NCAPG: variants seen among roughly 807,000 people sequenced by gnomAD.
NCAPG encodes the protein non-SMC condensin I complex subunit G, also known as condensin complex subunit 3.
In NCAPG, 69 loss-of-function variants were observed where a neutral mutation model predicts 113.1. The ratio of observed to expected loss-of-function variants is 0.61; its 90% CI spans 0.50 to 0.75. The LOEUF is 0.75. Among genes scored for constraint, NCAPG ranks in the 30% least tolerant of loss-of-function variants. The probability of loss-of-function intolerance (pLI) is 0.00; values close to 1 mark genes in which losing one functional copy is unlikely to be tolerated. For missense variants in NCAPG, 1,058 were observed against 1,177.0 expected (o/e 0.90, Z 1.48); for synonymous variants, 370 against 415.8 (o/e 0.89, Z 1.34).
chr4:17,811,113 G>A lies in NCAPG; in HGVS notation c.36G>A (p.Glu12=), dbSNP rs771732738. 5 of 1,533,630 alleles carry A rather than the reference G, an allele frequency of 3.3e-6. No individual in the cohort carries two copies. The East Asian group carries it at 8.0e-5, about 24-fold the overall frequency. Residue 12 remains glutamate, a synonymous_variant, in exon 1 of 21, where the codon GAG becomes GAA. Transcript: ENST00000251496. This position sits in a 1 kb window ranked among gnomAD's most constrained non-coding sequence, Gnocchi z 5.3. ...GAERRLLSIK[E]AFRLAQQPHQ... is the part of the protein sequence containing the mutation. ...AAAGGAGGCTGCTGTCGATTAAGGA[G>A]GCCTTTCGGCTGGCGCAGCAGCCGC...
At chr4:17,830,689 C>A (rs917006849) in intron 12 of NCAPG, among the ~76,000 whole-genome samples, 9 of 151,504 alleles carry the variant, frequency 5.9e-5, no homozygotes, top group African/African-American at 2.2e-4. Flanking sequence ...ACAAACTGAG[C>A]AAGAGGTAGC....
chr4:17,824,031 G>T (rs901473538), intron 9 of NCAPG, among the ~76,000 whole-genome samples: 1 of 152,140 alleles, frequency 6.6e-6, no homozygotes, highest in African/African-American at 2.4e-5. Flanking sequence ...TACAAGTGGG[G>T]ATATGGTTTT....
intron 13 of NCAPG, among the ~76,000 whole-genome samples, chr4:17,831,476 G>A (rs773334166): frequency 5.9e-5 from 9 of 152,158 alleles, no homozygotes; most frequent in Admixed American, 1.3e-4. Flanking sequence ...GAAACACACA[G>A]TGAAAAATAA....
chr4:17,841,005 T>A lies in NCAPG; in HGVS notation c.2854+312T>A, dbSNP rs544198568. ...ATGGTTTTATATTAGTTATTTGTGTTCTATCCTTCCTGTAACTAAGCATTT... is the reference window on the plus strand; with the variant it reads ...ATGGTTTTATATTAGTTATTTGTGTACTATCCTTCCTGTAACTAAGCATTT... On this transcript the variant is annotated intron_variant, in intron 19 of 20. Coordinates refer to ENST00000251496, the MANE Select transcript of NCAPG (RefSeq NM_022346.5). 2.0e-5 allele frequency among the ~76,000 whole-genome samples: 3 copies of A among 152,158 alleles called. No homozygotes were observed. The East Asian group carries it at 5.8e-4, about 29-fold the overall frequency.
In NCAPG at chr4:17,823,634, T is replaced by C. The variant is rs1279343978; in HGVS notation, c.1260-13T>C. ...GTCATAATAATATTTAAATTAGTTC[T>C]TTTTGACTGCAGAAAAAAACTGCTG... On this transcript the variant is annotated splice_polypyrimidine_tract_variant and intron_variant, in intron 8 of 20. Transcript: ENST00000251496. The C allele has an allele frequency of 6.2e-7, 1 of 1,600,606 alleles. No individual in the cohort carries two copies. The highest frequency in any genetic ancestry group is 8.5e-7 in the Non-Finnish European group (1 of 1,172,252).
At chr4:17,827,722 A>G (rs1184020295) in intron 11 of NCAPG, among the ~76,000 whole-genome samples, 1 of 150,806 alleles carries the variant, frequency 6.6e-6, no homozygotes, top group Non-Finnish European at 1.5e-5. Context: ...CTTAGAAAAT[A>G]GCTGGGCTAG....
At chr4:17,828,479 A>G in intron 12 of NCAPG, 91 bp downstream of exon 12, 1 of 641,410 alleles carries the variant, frequency 1.6e-6, no homozygotes, top group Non-Finnish European at 2.7e-6. Context: ...TAATGAAAAG[A>G]TTACTGTCTT....
At chr4:17,815,595 G>A (rs946426019) in intron 5 of NCAPG, among the ~76,000 whole-genome samples, 6 of 152,132 alleles carry the variant, frequency 3.9e-5, no homozygotes, top group African/African-American at 1.2e-4. Flanking sequence ...TGCAATCTTG[G>A]CTCACTGCAA....
At chr4:17,812,640 TCTC>T (rs963644990) in intron 2 of NCAPG, among the ~76,000 whole-genome samples, 1 of 152,160 alleles carries the variant, frequency 6.6e-6, no homozygotes, top group African/African-American at 2.4e-5. Context: ...TTAAACCAGT[TCTC>T]CTTTGTTTAT....
Position 17,812,340 on chromosome 4 carries a change from C to T in NCAPG, c.231C>T (p.Thr77=). ...TAGAATTTGCAGCAAAGTTTGTTAC[C>T]TCATTTCACCAATCAGATATGGAAG... ...RVIEFAAKFV[T]SFHQSDMEDD... The change falls in exon 2 of 21, where the codon ACC becomes ACT. Residue 77 remains threonine (T), a synonymous_variant. Coordinates refer to ENST00000251496, the MANE Select transcript of NCAPG (RefSeq NM_022346.5). 6.2e-7 allele frequency: 1 copy of T among 1,613,676 alleles called. No individual in the cohort carries two copies.
chr4:17,812,350 C>A lies in NCAPG; in HGVS notation c.241C>A (p.Gln81Lys), dbSNP rs991522231. ...AGCAAAGTTTGTTACCTCATTTCACCAATCAGATATGGAAGATGATGAGGA... is the reference window on the plus strand; with the variant it reads ...AGCAAAGTTTGTTACCTCATTTCACAAATCAGATATGGAAGATGATGAGGA... ...FAAKFVTSFH[Q>K]SDMEDDEEEE... Residue 81 changes from glutamine (Q) to lysine (K), a missense_variant, in exon 2 of 21, where the codon CAA becomes AAA. Coordinates refer to ENST00000251496, the MANE Select transcript of NCAPG (RefSeq NM_022346.5). The A allele has an allele frequency of 1.2e-6, 2 of 1,613,582 alleles. No individual in the cohort carries two copies. The highest frequency in any genetic ancestry group is 1.7e-6 in the Non-Finnish European group (2 of 1,179,814).
rs1722292921 is a variant in NCAPG, at chr4:17,840,207, A to G, written c.2765A>G (p.Asp922Gly). ...TLTTTTFQNE[D>G]EKNKEVYMTP... ...ACTACAACTACTTTCCAAAATGAAG[A>G]TGGTAATCACATACTGAACAGAATA... The change falls in exon 18 of 21, where the codon GAT (aspartate) becomes GGT (glycine). Residue 922 changes from aspartate (D) to glycine (G), a missense_variant and splice_region_variant. Coordinates refer to ENST00000251496, the MANE Select transcript of NCAPG (RefSeq NM_022346.5). 1.3e-6 allele frequency: 2 copies of G among 1,596,500 alleles called. No individual in the cohort carries two copies. The highest frequency in any genetic ancestry group is 1.4e-5 in the African/African-American group (1 of 73,620).
chr4:17,822,699 A>C lies in NCAPG; in HGVS notation c.1119-284A>C, dbSNP rs144165753. Among the ~76,000 whole-genome samples the C allele has an allele frequency of 2.4e-3, 367 of 152,302 alleles. 1 individual carries two copies. Among genetic ancestry groups the C allele is most frequent in the African/African-American group, 7.9e-3 (328 of 41,570 alleles). ...GAATGCTAGTGACATTGAAATAATTAGTTATCAGTTAGACATAAATATGTA... is the reference window on the plus strand; with the variant it reads ...GAATGCTAGTGACATTGAAATAATTCGTTATCAGTTAGACATAAATATGTA... On this transcript the variant is annotated intron_variant, in intron 7 of 20. Coordinates refer to ENST00000251496, the MANE Select transcript of NCAPG (RefSeq NM_022346.5).
intron 10 of NCAPG, 147 bp from the exon 11 acceptor site, chr4:17,825,235 C>A: frequency 1.2e-6 from 1 of 802,076 alleles, no homozygotes; most frequent in Non-Finnish European, 1.9e-6. Context: ...ATATGCAGAT[C>A]TCTGTGTCAG....
chr4:17,838,244 C>T (rs1722183664), intron 16 of NCAPG, among the ~76,000 whole-genome samples: 2 of 152,106 alleles, frequency 1.3e-5, no homozygotes, highest in Non-Finnish European at 2.9e-5. Flanking sequence ...TGAACTTAAG[C>T]TGGGTTGTTT....
intron 11 of NCAPG, among the ~76,000 whole-genome samples, chr4:17,826,286 A>G (rs1286947400): frequency 6.6e-6 from 1 of 152,100 alleles, no homozygotes; most frequent in Non-Finnish European, 1.5e-5. Flanking sequence ...TTTGTAATGA[A>G]CATCATTTAT....
intron 7 of NCAPG, among the ~76,000 whole-genome samples, chr4:17,820,047 G>T (rs187641625): frequency 6.6e-6 from 1 of 152,108 alleles, no homozygotes. Flanking sequence ...GAATGAGTTT[G>T]TGGCAAAGTT....
At chr4:17,832,782 C>A (rs1041348924) in intron 13 of NCAPG, among the ~76,000 whole-genome samples, 1 of 151,936 alleles carries the variant, frequency 6.6e-6, no homozygotes, top group African/African-American at 2.4e-5. Context: ...GAAGAGGAAC[C>A]AGTAGGGGCT....
At chr4:17,842,049 C>A in intron 19 of NCAPG, 1 of 358,686 alleles carries the variant, frequency 2.8e-6, no homozygotes, top group Non-Finnish European at 5.2e-6. Flanking sequence ...TAAAATTTGC[C>A]TTCTTTTAAC....
Sources: gnomAD v4.1 joint callset for allele counts (sites outside exome capture counted in the v4.1 genomes callset) on GRCh38, gnomAD v4.1.1 for gene constraint, Gnocchi (gnomAD v3.1) non-coding constraint, MANE v1.5 for transcripts, NCBI Gene and HGNC (gene_info 2026-07-23, HGNC 2026-07-21) for gene names.